TGFBR3: variants seen among roughly 807,000 people sequenced by gnomAD.
TGFBR3 encodes transforming growth factor beta receptor type 3.
TGFBR3 carries 46 observed loss-of-function variants against 87.9 expected under a neutral mutation model. The observed-to-expected ratio is 0.52, with a 90% CI of 0.41 to 0.67. TGFBR3 has a LOEUF of 0.67. TGFBR3 is among the 30% of genes least tolerant of loss of function. The pLI, the probability that TGFBR3 is intolerant of heterozygous loss-of-function variation, is 0.00. For synonymous variants in TGFBR3, 381 were observed against 391.6 expected (o/e 0.97, Z 0.32); for missense variants, 866 against 1,041.9 (o/e 0.83, Z 2.32).
chr1:91,879,792 C>A (rs747169535), intron 1 of TGFBR3, among the ~76,000 whole-genome samples: 1 of 152,054 alleles, frequency 6.6e-6, no homozygotes, highest in Non-Finnish European at 1.5e-5. Flanking sequence ...AACAAATGTG[C>A]TATTTCAAAA....
chr1:91,904,850 G>A (rs1339080548), intron 1 of TGFBR3, among the ~76,000 whole-genome samples: 4 of 152,004 alleles, frequency 2.6e-5, no homozygotes, highest in Non-Finnish European at 5.9e-5. Context: ...ATAGGCATGA[G>A]CCACCGCGCC....
intron 4 of TGFBR3, among the ~76,000 whole-genome samples, chr1:91,757,807 T>C (rs1157191599): frequency 6.6e-6 from 1 of 152,234 alleles, no homozygotes; most frequent in African/African-American, 2.4e-5. Flanking sequence ...AGTTTATTCA[T>C]GAGGCAAGAG....
chr1:91,805,140 T>C (rs1490214055), intron 2 of TGFBR3, among the ~76,000 whole-genome samples: 2 of 152,196 alleles, frequency 1.3e-5, no homozygotes, highest in African/African-American at 4.8e-5. Context: ...GAATGTGTAT[T>C]TCAGAAAAGT....
intron 9 of TGFBR3, 88 bp from the exon 10 acceptor site, chr1:91,719,552 C>CTTGG: frequency 1.3e-6 from 2 of 1,532,802 alleles, no homozygotes; most frequent in Non-Finnish European, 1.8e-6. Flanking sequence ...CCTGGTCTTC[C>CTTGG]AAGGACAGGC....
chr1:91,855,909 C>CTT (rs796985609), intron 2 of TGFBR3, among the ~76,000 whole-genome samples: 11 of 146,042 alleles, frequency 7.5e-5, no homozygotes, highest in African/African-American at 2.6e-4. Flanking sequence ...TATTCTCTCT[C>CTT]TTTTTTTTTT....
chr1:91,857,448 G>C (rs1394847081), intron 2 of TGFBR3, among the ~76,000 whole-genome samples: 1 of 151,952 alleles, frequency 6.6e-6, no homozygotes, highest in Non-Finnish European at 1.5e-5. Context: ...CTTCTTCCTA[G>C]ATTCTGCCCA....
chr1:91,813,696 G>T (rs1676104652), intron 2 of TGFBR3, among the ~76,000 whole-genome samples: 2 of 152,196 alleles, frequency 1.3e-5, no homozygotes, highest in Admixed American at 1.3e-4. Flanking sequence ...AGGGCAGGCT[G>T]GAAAGCACCA....
At chr1:91,857,582 T>C (rs1678008569) in intron 2 of TGFBR3, among the ~76,000 whole-genome samples, 1 of 152,210 alleles carries the variant, frequency 6.6e-6, no homozygotes, top group Non-Finnish European at 1.5e-5. Flanking sequence ...TCACTACACA[T>C]TCATTATTTG....
chr1:91,682,550 G>A lies in TGFBR3; in HGVS notation c.*1189C>T, dbSNP rs1304645643. ...ATGGGATATATTTAAGGCAAGAGAA[G>A]TAAGGCAATCCAAATGAGTGCCCTT... On this transcript the variant is annotated 3_prime_UTR_variant, in exon 17 of 17. Transcript: ENST00000212355. 6.6e-6 allele frequency: 3 copies of A among 453,564 alleles called. No individual in the cohort carries two copies. The East Asian group carries it at 2.1e-4, about 32-fold the overall frequency. The allele number at this position is 453,564 out of a possible 1,614,324, so 28.1% of individuals were successfully genotyped here. A position where few individuals can be genotyped will look rare whatever the true frequency, so the allele number is the denominator to read the frequency against.
intron 16 of TGFBR3, 87 bp downstream of exon 16, chr1:91,695,585 G>C: frequency 9.1e-7 from 1 of 1,093,342 alleles, no homozygotes; most frequent in South Asian, 1.3e-5. Context: ...TCTTTCATTC[G>C]TTATTTCATC....
chr1:91,775,411 G>A (rs1674532169), intron 3 of TGFBR3, among the ~76,000 whole-genome samples: 1 of 152,204 alleles, frequency 6.6e-6, no homozygotes, highest in Non-Finnish European at 1.5e-5. Flanking sequence ...TCCAAGCTGA[G>A]GGCCTGGGCC....
At chr1:91,876,601 G>T (rs994018664) in intron 1 of TGFBR3, among the ~76,000 whole-genome samples, 1 of 152,136 alleles carries the variant, frequency 6.6e-6, no homozygotes, top group African/African-American at 2.4e-5. Context: ...ACCACTACCA[G>T]GTATGATGCT....
intron 16 of TGFBR3, among the ~76,000 whole-genome samples, chr1:91,689,072 T>C (rs1249106083): frequency 2.0e-5 from 3 of 152,206 alleles, no homozygotes; most frequent in Non-Finnish European, 2.9e-5. Context: ...GCCTTCGGCT[T>C]TCCTGGTGTC....
chr1:91,863,811 G>A (rs1162914405), intron 1 of TGFBR3: 2 of 152,160 alleles, frequency 1.3e-5, no homozygotes, highest in East Asian at 1.9e-4. Context: ...TAATTTGGGA[G>A]CCATTAAACT....
intron 7 of TGFBR3, among the ~76,000 whole-genome samples, chr1:91,722,796 A>G (rs1199276108): frequency 6.6e-6 from 1 of 152,210 alleles, no homozygotes; most frequent in African/African-American, 2.4e-5. Flanking sequence ...ATGTTACTGC[A>G]CTGAATACTG....
chr1:91,776,219 G>A (rs2171584), intron 3 of TGFBR3, among the ~76,000 whole-genome samples: 75,429 of 152,166 alleles, frequency 0.5, 19,218 homozygotes, highest in Middle Eastern at 0.63. Context: ...AAATGGGAGC[G>A]GGAGCAAGGG....
At chr1:91,788,985 T>C (rs1199933802) in intron 3 of TGFBR3, among the ~76,000 whole-genome samples, 2 of 152,130 alleles carry the variant, frequency 1.3e-5, no homozygotes, top group Non-Finnish European at 2.9e-5. Flanking sequence ...GGTTGGAAAA[T>C]GCTGCTGCTG....
At chr1:91,708,847 C>T in intron 13 of TGFBR3, 64 bp from the exon 14 acceptor site, 4 of 1,598,458 alleles carry the variant, frequency 2.5e-6, no homozygotes, top group Non-Finnish European at 3.4e-6. Context: ...ACCAGCTCTA[C>T]CTGCACAGCT....
chr1:91,800,255 T>TACACAC lies in TGFBR3; in HGVS notation c.62-2790_62-2785dup, dbSNP rs67343577. 1.6e-3 allele frequency among the ~76,000 whole-genome samples: 145 copies of TACACAC among 89,304 alleles called. 1 individual carries two copies. In the Middle Eastern group the frequency reaches 0.022, roughly 13 times the overall value. 58.6% of individuals were successfully genotyped at this position (89,304 alleles called of 152,430 possible). A position where few individuals can be genotyped will look rare whatever the true frequency, so the allele number is the denominator to read the frequency against. On this transcript the variant is annotated intron_variant, in intron 2 of 16. Transcript: ENST00000212355. ...AAAAAAAAAAAAATATATATATATA[T>TACACAC]ACACACACACACACACACACACACT...
Sources: allele counts gnomAD v4.1 joint callset (sites outside exome capture counted in the v4.1 genomes callset), GRCh38; gene constraint gnomAD v4.1.1; transcripts MANE v1.5; gene names NCBI Gene and HGNC (gene_info 2026-07-23, HGNC 2026-07-21).